ZNF516: variants seen among roughly 807,000 people sequenced by gnomAD.
ZNF516 encodes zinc finger protein 516.
ZNF516 carries 19 observed loss-of-function variants against 79.7 expected under a neutral mutation model. That is an observed-to-expected ratio of 0.24 (90% CI 0.17 to 0.35). The LOEUF (loss-of-function observed/expected upper bound fraction) is 0.35. Ranked by LOEUF, ZNF516 falls within the 10% of genes least tolerant of loss-of-function variation. The pLI is 1.00. For missense variants in ZNF516, 1,678 were observed against 1,679.5 expected, an observed-to-expected ratio of 1.00 and a Z score of 0.02; for synonymous variants, 877 against 739.5, an observed-to-expected ratio of 1.19 and a Z score of -3.02.
intron 3 of ZNF516, among the ~76,000 whole-genome samples, chr18:76,405,126 A>C (rs1320351070): frequency 6.6e-6 from 1 of 152,152 alleles, no homozygotes; most frequent in East Asian, 1.9e-4. Flanking sequence ...AGGCCAAGAT[A>C]AGGACACACC....
intron 2 of ZNF516, among the ~76,000 whole-genome samples, chr18:76,448,063 T>C (rs17059378): frequency 0.018 from 2,815 of 152,322 alleles, 34 homozygotes; most frequent in Middle Eastern, 0.054. Flanking sequence ...TTGAAAAAAC[T>C]GTTTACTCAT....
chr18:76,480,524 C>CACACACATATATAT (rs1267997459), intron 1 of ZNF516, among the ~76,000 whole-genome samples: 25 of 116,464 alleles, frequency 2.1e-4, no homozygotes, highest in African/African-American at 8.4e-4. Flanking sequence ...CACACACACA[C>CACACACATATATAT]ATATATTTTT....
At chr18:76,368,487 G>A (rs1258519813) in intron 6 of ZNF516, among the ~76,000 whole-genome samples, 2 of 151,182 alleles carry the variant, frequency 1.3e-5, no homozygotes, top group Non-Finnish European at 2.9e-5. Flanking sequence ...TTAATGCCAG[G>A]CCTGAACTGC....
intron 3 of ZNF516, among the ~76,000 whole-genome samples, chr18:76,426,541 A>G (rs199787280): frequency 6.7e-6 from 1 of 149,910 alleles, no homozygotes; most frequent in Non-Finnish European, 1.5e-5. Context: ...CTTTTTTTTT[A>G]AAGTATTTAT....
In ZNF516 at chr18:76,493,181, G is replaced by C; in HGVS notation, c.-272+1963C>G. The C allele has an allele frequency of 2.0e-6, 2 of 985,086 alleles. No individual in the cohort carries two copies. Among genetic ancestry groups the C allele is most frequent in the Non-Finnish European group, 2.4e-6 (2 of 829,708 alleles). 61.0% of individuals were successfully genotyped at this position (985,086 alleles called of 1,614,324 possible). ...GCTCTGAAAGTTAGCCATCTGCGCA[G>C]AGTTTGCCTTCTTTAAGGAGGGAGG... On this transcript the variant is annotated intron_variant, in intron 1 of 6. Transcript: ENST00000443185. The surrounding 1 kb of genome is among the most constrained non-coding windows in gnomAD (Gnocchi z 5.2).
intron 1 of ZNF516, among the ~76,000 whole-genome samples, chr18:76,478,637 A>AAAAGCAGAAAAACTTTTTCTAGC (rs1229745644): frequency 1.3e-5 from 2 of 152,250 alleles, no homozygotes; most frequent in African/African-American, 4.8e-5. Context: ...CCAAAACTTC[A>AAAAGCAGAAAAACTTTTTCTAGC]AAAGCAGAAA....
At chr18:76,491,159 T>A in intron 1 of ZNF516, 1 of 940,446 alleles carries the variant, frequency 1.1e-6, no homozygotes, top group Non-Finnish European at 1.3e-6. Flanking sequence ...ACCAATTACC[T>A]GGGCTCCGCC....
chr18:76,404,397 CTGTG>C (rs199644248), intron 3 of ZNF516, among the ~76,000 whole-genome samples: 10 of 152,156 alleles, frequency 6.6e-5, no homozygotes, highest in African/African-American at 2.4e-4. Flanking sequence ...TTTAGAGTAT[CTGTG>C]TGAGTGTGGG....
intron 3 of ZNF516, among the ~76,000 whole-genome samples, chr18:76,415,999 G>C (rs1335810363): frequency 3.3e-5 from 5 of 152,196 alleles, no homozygotes; most frequent in African/African-American, 1.2e-4. Flanking sequence ...TGGAAATGAA[G>C]TTCATTAATT....
intron 1 of ZNF516, among the ~76,000 whole-genome samples, chr18:76,483,255 A>ACGGCT (rs1273219500): frequency 2.0e-5 from 3 of 152,116 alleles, no homozygotes; most frequent in Non-Finnish European, 2.9e-5. Flanking sequence ...CGGGGCAGAC[A>ACGGCT]CAGCTCAAGC....
chr18:76,371,569 T>G lies in ZNF516; in HGVS notation c.3262A>C (p.Thr1088Pro), dbSNP rs557916579. 2 of 1,609,148 alleles carry G rather than the reference T, an allele frequency of 1.2e-6. No homozygotes were observed. Among genetic ancestry groups the G allele is most frequent in the South Asian group, 2.2e-5 (2 of 90,850 alleles). The change falls in exon 5 of 7, where the codon ACA (threonine) becomes CCA (proline). Residue 1088 changes from threonine (T) to proline (P), a missense_variant and splice_region_variant. Transcript: ENST00000443185. ...CCTGGCCGGGCCTGCGTCCGGAGTG[T>G]CCCTGCGGTGGCGAGGTGGTGGTGG... ...VSGPGLEHRGTLRTQARPGEF... is the reference protein window; with the variant it reads ...VSGPGLEHRGPLRTQARPGEF...
In ZNF516 at chr18:76,443,034, G is replaced by C. The variant is rs753583309; in HGVS notation, c.21C>G (p.Ala7=). The change falls in exon 3 of 7, where the codon GCC becomes GCG. Residue 7 remains alanine (A), a synonymous_variant. Coordinates refer to ENST00000443185, the MANE Select transcript of ZNF516 (RefSeq NM_014643.4). MDRNRE[A]EMELRRGPSP... ...TGGGGCCTCGCCTCAGCTCCATCTC[G>C]GCCTCTCTGTTGCGATCCATCCGAA... 1 of 1,594,052 alleles carries C rather than the reference G, an allele frequency of 6.3e-7. No homozygotes were observed. Among genetic ancestry groups the C allele is most frequent in the South Asian group, 1.1e-5 (1 of 89,734 alleles).
chr18:76,367,760 T>G (rs964938038), intron 6 of ZNF516, among the ~76,000 whole-genome samples: 1 of 152,226 alleles, frequency 6.6e-6, no homozygotes, highest in Non-Finnish European at 1.5e-5. Flanking sequence ...AAAATGGTTA[T>G]CTTGTCGCCC....
chr18:76,415,960 A>G (rs1271746743), intron 3 of ZNF516, among the ~76,000 whole-genome samples: 1 of 152,210 alleles, frequency 6.6e-6, no homozygotes, highest in Non-Finnish European at 1.5e-5. Context: ...AAATGAGTCA[A>G]TATACTGTTA....
rs902376079 is a variant in ZNF516 at position 76,360,487 on chromosome 18, G to A, written c.*2011C>T. On this transcript the variant is annotated 3_prime_UTR_variant, in exon 7 of 7. Transcript: ENST00000443185. ...TGATTTCTTAGGTGGACAGAGGAAT[G>A]TGTCTCCGCAACTTTGCCCAAAATA... The A allele has an allele frequency of 6.6e-6, 1 of 151,772 alleles. No individual in the cohort carries two copies. Among genetic ancestry groups the A allele is most frequent in the African/African-American group, 2.4e-5 (1 of 41,296 alleles). 9.4% of individuals were successfully genotyped at this position (151,772 alleles called of 1,614,324 possible).
chr18:76,426,300 C>A (rs1385975804), intron 3 of ZNF516, among the ~76,000 whole-genome samples: 1 of 152,168 alleles, frequency 6.6e-6, no homozygotes, highest in Non-Finnish European at 1.5e-5. Flanking sequence ...CAACATCTCC[C>A]ATCTAGTAAT....
At chr18:76,383,365 G>A (rs921668597) in intron 3 of ZNF516, among the ~76,000 whole-genome samples, 1 of 151,458 alleles carries the variant, frequency 6.6e-6, no homozygotes, top group South Asian at 2.1e-4. Flanking sequence ...AGGGACCCAG[G>A]ACCCTCTTCT....
chr18:76,472,230 C>T (rs929195224), intron 1 of ZNF516, among the ~76,000 whole-genome samples: 2 of 152,200 alleles, frequency 1.3e-5, no homozygotes, highest in Non-Finnish European at 2.9e-5. Context: ...GCCCTTGGGA[C>T]GGAGTCCATA....
chr18:76,387,513 T>G (rs561195443), intron 3 of ZNF516: 17 of 152,196 alleles, frequency 1.1e-4, no homozygotes, highest in African/African-American at 3.9e-4. Context: ...TTTAATATAT[T>G]TTATCCCAGA....
Sources: allele counts gnomAD v4.1 joint callset (sites outside exome capture counted in the v4.1 genomes callset), GRCh38; gene constraint gnomAD v4.1.1; non-coding constraint Gnocchi (gnomAD v3.1); transcripts MANE v1.5; gene names NCBI Gene and HGNC (gene_info 2026-07-23, HGNC 2026-07-21).